The following RNGTT variants were observed in gnomAD, a reference collection of about 807,000 sequenced individuals.
RNGTT encodes the protein RNA guanylyltransferase and 5'-phosphatase, also known as mRNA-capping enzyme.
A neutral mutation model predicts 79.3 loss-of-function variants in RNGTT; 33 were observed. That is an observed-to-expected ratio of 0.42 (90% CI 0.32 to 0.56). The LOEUF is 0.56. Ranked by LOEUF, RNGTT falls within the 20% of genes least tolerant of loss-of-function variation. The probability of loss-of-function intolerance (pLI) is 0.17; values close to 1 mark genes in which losing one functional copy is unlikely to be tolerated. For synonymous variants in RNGTT, 222 were observed against 235.9 expected (o/e 0.94, Z 0.54); for missense variants, 497 against 739.1 (o/e 0.67, Z 3.80).
chr6:88,799,213 C>A (rs888189434), intron 12 of RNGTT, among the ~76,000 whole-genome samples: 2 of 151,740 alleles, frequency 1.3e-5, no homozygotes, highest in African/African-American at 4.8e-5. Flanking sequence ...GCAAACACAT[C>A]AATTTTCTCC....
chr6:88,747,327 C>T (rs1398166775), intron 13 of RNGTT, among the ~76,000 whole-genome samples: 2 of 152,194 alleles, frequency 1.3e-5, no homozygotes, highest in African/African-American at 4.8e-5. Flanking sequence ...TCCCAAACCA[C>T]TCATCCCACA....
At chr6:88,675,980 T>C (rs1327657106) in intron 14 of RNGTT, among the ~76,000 whole-genome samples, 1 of 152,224 alleles carries the variant, frequency 6.6e-6, no homozygotes, top group Non-Finnish European at 1.5e-5. Context: ...ATTTCAGTTC[T>C]CTGCAAACTG....
intron 2 of RNGTT, among the ~76,000 whole-genome samples, chr6:88,931,901 C>A (rs1784524214): frequency 6.6e-6 from 1 of 152,098 alleles, no homozygotes; most frequent in African/African-American, 2.4e-5. Flanking sequence ...GTTAACTGCA[C>A]AGATTTTTCA....
intron 8 of RNGTT, among the ~76,000 whole-genome samples, chr6:88,869,766 G>T (rs1377036206): frequency 6.6e-6 from 1 of 151,916 alleles, no homozygotes; most frequent in African/African-American, 2.4e-5. Context: ...ATATATTATG[G>T]ACTCATAACA....
intron 4 of RNGTT, among the ~76,000 whole-genome samples, chr6:88,922,114 C>T (rs1019423857): frequency 4.6e-5 from 7 of 151,846 alleles, no homozygotes; most frequent in African/African-American, 1.7e-4. Flanking sequence ...CTATGTTGTC[C>T]AGGCTGGACT....
At chr6:88,861,186 A>C (rs1782002883) in intron 8 of RNGTT, among the ~76,000 whole-genome samples, 1 of 152,162 alleles carries the variant, frequency 6.6e-6, no homozygotes, top group Non-Finnish European at 1.5e-5. Flanking sequence ...AGTCCCTGAA[A>C]GCTAATTCTC....
chr6:88,668,154 G>A lies in RNGTT; in HGVS notation c.1506+10199C>T, dbSNP rs557355578. Among the ~76,000 whole-genome samples, 8 of 152,102 alleles carry A rather than the reference G, an allele frequency of 5.3e-5. No homozygotes were observed. The East Asian group carries it at 1.5e-3, about 29-fold the overall frequency. On this transcript the variant is annotated intron_variant, in intron 14 of 15. Transcript: ENST00000369485. Reference sequence around the variant, plus strand: ...CCTTTCTCCCCAGGTGATCGAGTGTGGATCAAAGACTGGAACATAGCCCCT... The same window carrying A: ...CCTTTCTCCCCAGGTGATCGAGTGTAGATCAAAGACTGGAACATAGCCCCT...
At chr6:88,701,650 G>C (rs182828778) in intron 13 of RNGTT, among the ~76,000 whole-genome samples, 27 of 151,950 alleles carry the variant, frequency 1.8e-4, no homozygotes, top group Admixed American at 1.4e-3. Flanking sequence ...TATGAATTTA[G>C]GATTGTCATT....
chr6:88,770,067 A>G (rs896773467), intron 12 of RNGTT, among the ~76,000 whole-genome samples, 193 bp from the exon 13 acceptor site: 7 of 152,192 alleles, frequency 4.6e-5, no homozygotes, highest in African/African-American at 1.4e-4. Context: ...TACCAAAGAC[A>G]TGTAGACCCT....
At chr6:88,890,406 C>A in intron 8 of RNGTT, 89 bp downstream of exon 8, 2 of 820,498 alleles carry the variant, frequency 2.4e-6, no homozygotes, top group Non-Finnish European at 1.9e-6. Flanking sequence ...GAAATTCACA[C>A]TCTCAAGAGT....
intron 11 of RNGTT, among the ~76,000 whole-genome samples, chr6:88,827,403 T>C (rs1459508548): frequency 2.0e-5 from 3 of 152,180 alleles, no homozygotes; most frequent in African/African-American, 7.2e-5. Flanking sequence ...TGCAGACCGG[T>C]AGATTCCCTC....
At chr6:88,879,670 T>C (rs927488506) in intron 8 of RNGTT, among the ~76,000 whole-genome samples, 3 of 152,224 alleles carry the variant, frequency 2.0e-5, no homozygotes, top group African/African-American at 7.2e-5. Context: ...TGGCTTAGCA[T>C]GAACTTACAA....
chr6:88,897,978 C>A (rs1157712560), intron 6 of RNGTT, among the ~76,000 whole-genome samples: 1 of 152,088 alleles, frequency 6.6e-6, no homozygotes, highest in African/African-American at 2.4e-5. Flanking sequence ...AAAGAGAGCA[C>A]AAGAAAGCCT....
At position 88,887,423 on chromosome 6, in the gene RNGTT, T is replaced by G. The variant is rs559235793; in HGVS notation, c.896+3072A>C. On this transcript the variant is annotated intron_variant, in intron 8 of 15. Coordinates refer to ENST00000369485, the MANE Select transcript of RNGTT (RefSeq NM_003800.5). ...ACAGAAAGTCCCTCTTCCATGCTAC[T>G]GTACTTAAATCCTAGTGCGCAAAAG... 7.9e-5 allele frequency among the ~76,000 whole-genome samples: 12 copies of G among 152,278 alleles called. No homozygotes were observed. In the East Asian group the frequency reaches 2.3e-3, roughly 29 times the overall value.
intron 13 of RNGTT, among the ~76,000 whole-genome samples, chr6:88,734,382 A>T (rs1035519749): frequency 2.0e-5 from 3 of 152,126 alleles, no homozygotes; most frequent in Admixed American, 6.6e-5. Context: ...TCAACCAGAG[A>T]TGTCAGAAAA....
chr6:88,869,988 C>G (rs1291625613), intron 8 of RNGTT, among the ~76,000 whole-genome samples: 1 of 151,768 alleles, frequency 6.6e-6, no homozygotes, highest in African/African-American at 2.4e-5. Context: ...AGTTTTCTGC[C>G]CATGCAAAAG....
intron 14 of RNGTT, among the ~76,000 whole-genome samples, chr6:88,643,133 C>T (rs1773388667): frequency 6.6e-6 from 1 of 151,892 alleles, no homozygotes; most frequent in African/African-American, 2.4e-5. Flanking sequence ...GTGCTTAAGA[C>T]ACTTACATTA....
At chr6:88,888,446 G>C (rs1246664304) in intron 8 of RNGTT, among the ~76,000 whole-genome samples, 2 of 152,018 alleles carry the variant, frequency 1.3e-5, no homozygotes, top group African/African-American at 2.4e-5. Flanking sequence ...AAAATAAGCA[G>C]AAAGGCTAAT....
chr6:88,830,857 C>T (rs531509289), intron 11 of RNGTT, among the ~76,000 whole-genome samples: 2 of 152,134 alleles, frequency 1.3e-5, no homozygotes, highest in African/African-American at 2.4e-5. Flanking sequence ...ATAAATTCCT[C>T]GACACATACA....
Sources: allele counts gnomAD v4.1 joint callset (sites outside exome capture counted in the v4.1 genomes callset), GRCh38; gene constraint gnomAD v4.1.1; transcripts MANE v1.5; gene names NCBI Gene and HGNC (gene_info 2026-07-23, HGNC 2026-07-21).